Variants in DAO observed in about 807,000 individuals in gnomAD.
DAO encodes D-amino-acid oxidase.
A neutral mutation model predicts 50.1 loss-of-function variants in DAO; 51 were observed. That is an observed-to-expected ratio of 1.02 (90% CI 0.81 to 1.29). DAO has a LOEUF of 1.29. Ranked by LOEUF, DAO falls within the 50% of genes most tolerant of loss-of-function variation. The pLI is 0.00. For missense variants in DAO, 436 were observed against 439.4 expected (o/e 0.99, Z 0.07); for synonymous variants, 160 against 166.2 (o/e 0.96, Z 0.29).
chr12:108,897,236 GAC>G, intron 8 of DAO, 148 bp downstream of exon 8: 1 of 676,014 alleles, frequency 1.5e-6, no homozygotes, highest in South Asian at 1.7e-5. Context: ...TATTTTTTGA[GAC>G]AGAGTTTCAC....
intron 1 of DAO, among the ~76,000 whole-genome samples, chr12:108,880,804 G>A (rs1034281941): frequency 1.3e-5 from 2 of 151,970 alleles, no homozygotes; most frequent in East Asian, 1.9e-4. Flanking sequence ...CCTTCTAGGG[G>A]ACAAGGGAGG....
At position 108,898,775 on chromosome 12, in the gene DAO, C is replaced by T; in HGVS notation, c.792C>T (p.Cys264=). 6.2e-7 allele frequency: 1 copy of T among 1,613,510 alleles called. No individual in the cohort carries two copies. The highest frequency in any genetic ancestry group is 8.5e-7 in the Non-Finnish European group (1 of 1,179,466). ...QDHNTIWEGC[C]RLEPTLKNAR... is the part of the protein sequence containing the mutation. ...ACAACACCATTTGGGAAGGCTGCTG[C>T]AGACTGGAGCCCACACTGAAGGTAA... The change falls in exon 9 of 11, where the codon TGC becomes TGT. Residue 264 remains cysteine, a synonymous_variant. Coordinates refer to ENST00000228476, the MANE Select transcript of DAO (RefSeq NM_001917.5).
At chr12:108,890,299 G>A (rs1453551436) in intron 5 of DAO, 26 bp downstream of exon 5, 1 of 1,590,054 alleles carries the variant, frequency 6.3e-7, no homozygotes, top group Non-Finnish European at 8.6e-7. Flanking sequence ...TCACTTTGAG[G>A]GAGGTACCTC....
rs1200241605 is a variant in DAO at position 108,885,029 on chromosome 12, C to T, written c.23C>T (p.Ala8Val). 6.2e-7 allele frequency: 1 copy of T among 1,614,106 alleles called. No homozygotes were observed. The highest frequency in any genetic ancestry group is 8.5e-7 in the Non-Finnish European group (1 of 1,180,026). Residue 8 changes from alanine to valine, a missense_variant, in exon 2 of 11, where the codon GCA becomes GTA. Physicochemically the swap from Ala to Val is moderately conservative, Grantham distance 64. Coordinates refer to ENST00000228476, the MANE Select transcript of DAO (RefSeq NM_001917.5). Reference protein sequence around the residue: MRVVVIGAGVIGLSTALC... With the variant: MRVVVIGVGVIGLSTALC... Reference sequence around the variant, plus strand: ...GCAATGCGTGTGGTGGTGATTGGAGCAGGAGTCATCGGGCTGTCCACCGCC... The same window carrying T: ...GCAATGCGTGTGGTGGTGATTGGAGTAGGAGTCATCGGGCTGTCCACCGCC...
chr12:108,880,264 G>A, intron 1 of DAO, 40 bp downstream of exon 1: 1 of 389,006 alleles, frequency 2.6e-6, no homozygotes, highest in Non-Finnish European at 5.2e-6. Flanking sequence ...GACAGGGGTT[G>A]GGAGAGGGGA....
intron 9 of DAO, 100 bp from the exon 10 acceptor site, chr12:108,899,277 G>T: frequency 2.6e-6 from 2 of 759,222 alleles, no homozygotes; most frequent in South Asian, 1.5e-5. Flanking sequence ...TTATATTAGT[G>T]GTGGTGGTGA....
In DAO at chr12:108,885,101, T is replaced by TAAAAA. The variant is rs762543511; in HGVS notation, c.98_99insAAAAA (p.Val34LysfsTer45). 2 of 1,614,138 alleles carry TAAAAA rather than the reference T, an allele frequency of 1.2e-6. No individual in the cohort carries two copies. Among genetic ancestry groups the TAAAAA allele is most frequent in the Non-Finnish European group, 1.7e-6 (2 of 1,180,010 alleles). ...CACTCAGTCCTGCAGCCACTGGACA[T>TAAAAA]AAAGGTCTACGCGGACCGCTTCACC... On this transcript the variant is annotated frameshift_variant, in exon 2 of 11. Coordinates refer to ENST00000228476, the MANE Select transcript of DAO (RefSeq NM_001917.5). LOFTEE classifies it high-confidence loss of function.
chr12:108,893,056 C>A lies in DAO; in HGVS notation c.507+20C>A, dbSNP rs551923561. ...GAGGAGGTGAGTTGCAGGGCTGATG[C>A]GGTGGATGGGGCAGGGAGAAGAGGG... is the stretch of plus-strand genomic sequence containing the variant. On this transcript the variant is annotated intron_variant, in intron 6 of 10. Coordinates refer to ENST00000228476, the MANE Select transcript of DAO (RefSeq NM_001917.5). 6.2e-7 allele frequency: 1 copy of A among 1,610,268 alleles called. No homozygotes were observed. Among genetic ancestry groups the A allele is most frequent in the South Asian group, 1.1e-5 (1 of 90,878 alleles).
At position 108,900,918 on chromosome 12, in the gene DAO, T is replaced by C. The variant is rs1056862373; in HGVS notation, c.*383T>C. On this transcript the variant is annotated 3_prime_UTR_variant, in exon 11 of 11. Transcript: ENST00000228476. ...ACATATTAAAGGTTCTGAAAAGTCC[T>C]GCAGCAAAGACAACTATCTGATGTT... is the stretch of plus-strand genomic sequence containing the variant. 7.3e-6 allele frequency: 2 copies of C among 275,476 alleles called. No individual in the cohort carries two copies. The highest frequency in any genetic ancestry group is 1.0e-4 in the Admixed American group (2 of 19,806). The allele number at this position is 275,476 out of a possible 1,614,324, so 17.1% of individuals were successfully genotyped here.
In DAO at chr12:108,880,156, C is replaced by T. The variant is rs770642071; in HGVS notation, c.-78C>T. The T allele has an allele frequency of 8.8e-6, 4 of 456,544 alleles. No individual in the cohort carries two copies. Among genetic ancestry groups the T allele is most frequent in the South Asian group, 6.2e-5 (4 of 64,552 alleles). The allele number at this position is 456,544 out of a possible 1,614,324, so 28.3% of individuals were successfully genotyped here. ...AGACGCTCCAGAATCAGGAGCTTCCCCTCAGGAAATAGCATCCTGTGTCCC... is the reference window on the plus strand; with the variant it reads ...AGACGCTCCAGAATCAGGAGCTTCCTCTCAGGAAATAGCATCCTGTGTCCC... On this transcript the variant is annotated 5_prime_UTR_variant, in exon 1 of 11. Coordinates refer to ENST00000228476, the MANE Select transcript of DAO (RefSeq NM_001917.5).
intron 5 of DAO, 64 bp downstream of exon 5, chr12:108,890,337 G>A: frequency 7.8e-7 from 1 of 1,286,736 alleles, no homozygotes; most frequent in South Asian, 1.2e-5. Flanking sequence ...GTGGAAGATG[G>A]TTCGTGGGCT....
At chr12:108,893,361 C>T (rs1366388181) in intron 6 of DAO, among the ~76,000 whole-genome samples, 1 of 152,088 alleles carries the variant, frequency 6.6e-6, no homozygotes, top group Non-Finnish European at 1.5e-5. Context: ...GCTTCCTAGC[C>T]CTACCGACAT....
intron 1 of DAO, chr12:108,883,529 T>C (rs2039403462): frequency 2.3e-6 from 1 of 429,066 alleles, no homozygotes; most frequent in Non-Finnish European, 4.7e-6. Flanking sequence ...GGCTGCTGTG[T>C]GTTGAGGGCC....
intron 1 of DAO, among the ~76,000 whole-genome samples, chr12:108,880,814 G>A (rs1344321567): frequency 6.6e-6 from 1 of 151,956 alleles, no homozygotes; most frequent in Non-Finnish European, 1.5e-5. Context: ...GACAAGGGAG[G>A]TCCTAGGCAG....
intron 1 of DAO, among the ~76,000 whole-genome samples, chr12:108,881,886 G>A (rs1321696533): frequency 3.9e-5 from 6 of 152,140 alleles, no homozygotes; most frequent in East Asian, 3.9e-4. Flanking sequence ...AATTAAAGAC[G>A]TGAGCCACTG....
intron 2 of DAO, among the ~76,000 whole-genome samples, chr12:108,885,643 C>G (rs2039428932): frequency 6.6e-6 from 1 of 152,048 alleles, no homozygotes; most frequent in Non-Finnish European, 1.5e-5. Flanking sequence ...ATATTAAGCC[C>G]CTTGCTCTGT....
chr12:108,894,162 G>A (rs2039521248), intron 6 of DAO, 101 bp from the exon 7 acceptor site: 1 of 903,244 alleles, frequency 1.1e-6, no homozygotes, highest in East Asian at 2.6e-5. Flanking sequence ...TGTTCATCAG[G>A]GAGTAGACAG....
chr12:108,884,943 A>C, intron 1 of DAO, 55 bp from the exon 2 acceptor site: 1 of 1,539,258 alleles, frequency 6.5e-7, no homozygotes. Context: ...CAATGGCGCT[A>C]AGGATGATGG....
intron 1 of DAO, among the ~76,000 whole-genome samples, chr12:108,880,578 G>C (rs138295968): frequency 0.013 from 1,954 of 152,148 alleles, 20 homozygotes; most frequent in Non-Finnish European, 0.016. Flanking sequence ...GAGTTGGTAG[G>C]CTGGTTCTCA....
Sources: allele counts gnomAD v4.1 joint callset (sites outside exome capture counted in the v4.1 genomes callset), GRCh38; gene constraint gnomAD v4.1.1; transcripts MANE v1.5; gene names NCBI Gene and HGNC (gene_info 2026-07-23, HGNC 2026-07-21).